MACROD1: variants seen among roughly 807,000 people sequenced by gnomAD.
The protein encoded by MACROD1 is mono-ADP ribosylhydrolase 1, also known as ADP-ribose glycohydrolase MACROD1.
In MACROD1, 31 loss-of-function variants were observed where a neutral mutation model predicts 41.4. The observed-to-expected ratio is 0.75, with a 90% CI of 0.56 to 1.01. The LOEUF (loss-of-function observed/expected upper bound fraction) is 1.01, where lower values mean the gene tolerates loss of function less well. Ranked by LOEUF, MACROD1 falls within the 50% of genes least tolerant of loss-of-function variation. MACROD1 has a pLI of 0.00. For synonymous variants in MACROD1, 252 were observed against 203.4 expected, an observed-to-expected ratio of 1.24 and a Z score of -2.03; for missense variants, 473 against 460.0, an observed-to-expected ratio of 1.03 and a Z score of -0.26.
At chr11:64,073,930 G>T (rs1944154749) in intron 3 of MACROD1, among the ~76,000 whole-genome samples, 1 of 152,162 alleles carries the variant, frequency 6.6e-6, no homozygotes, top group African/African-American at 2.4e-5. Flanking sequence ...TGGGCTGAAG[G>T]TCAGGGAGGG....
chr11:64,162,916 C>T (rs538743689), intron 1 of MACROD1, among the ~76,000 whole-genome samples: 10 of 151,968 alleles, frequency 6.6e-5, no homozygotes, highest in African/African-American at 2.2e-4. Flanking sequence ...GTCCGGAGAT[C>T]AAGACCATCC....
intron 3 of MACROD1, among the ~76,000 whole-genome samples, chr11:64,140,453 G>A (rs778436849): frequency 7.9e-5 from 12 of 152,238 alleles, no homozygotes; most frequent in Admixed American, 1.3e-4. Flanking sequence ...ACGAATATGG[G>A]AAGGAGGTGC....
rs532120408 is a variant in MACROD1, at chr11:64,067,645, G to T, written c.518-52364C>A. On this transcript the variant is annotated intron_variant, in intron 3 of 10. Coordinates refer to ENST00000255681, the MANE Select transcript of MACROD1 (RefSeq NM_014067.4). This position sits in a 1 kb window ranked among gnomAD's most constrained non-coding sequence, Gnocchi z 4.6. ...CCCGTGGCCTCCGGTGCACACACAG[G>T]GTCCCCAAGCAGGCAGCTGGAGGGC... is the stretch of plus-strand genomic sequence containing the variant. Among the ~76,000 whole-genome samples, 11 of 152,250 alleles carry T rather than the reference G, an allele frequency of 7.2e-5. No homozygotes were observed. Among genetic ancestry groups the T allele is most frequent in the African/African-American group, 2.2e-4 (9 of 41,554 alleles).
rs1469471350 is a variant in MACROD1 at position 64,096,453 on chromosome 11, C to G, written c.517+54786G>C. 6.6e-6 allele frequency among the ~76,000 whole-genome samples: 1 copy of G among 151,722 alleles called. No individual in the cohort carries two copies. The highest frequency in any genetic ancestry group is 1.5e-5 in the Non-Finnish European group (1 of 67,918). ...TTTGAGACTGAGTCTCGCTGTGCTG[C>G]CCAGGATGATGAAGTGCAGTGGTAT... On this transcript the variant is annotated intron_variant, in intron 3 of 10. Coordinates refer to ENST00000255681, the MANE Select transcript of MACROD1 (RefSeq NM_014067.4). This position sits in a 1 kb window ranked among gnomAD's most constrained non-coding sequence, Gnocchi z 4.6.
intron 3 of MACROD1, among the ~76,000 whole-genome samples, chr11:64,016,589 G>A (rs550652313): frequency 6.6e-6 from 1 of 152,366 alleles, no homozygotes; most frequent in Non-Finnish European, 1.5e-5. Flanking sequence ...AGTGGTGTCG[G>A]GCGGCTCCGA....
intron 3 of MACROD1, among the ~76,000 whole-genome samples, chr11:64,093,211 G>C (rs1019945398): frequency 6.6e-6 from 1 of 152,216 alleles, no homozygotes; most frequent in Non-Finnish European, 1.5e-5. Context: ...ACACAACACA[G>C]GGCGGCCACT....
chr11:64,073,524 C>T (rs942250256), intron 3 of MACROD1, among the ~76,000 whole-genome samples: 5 of 152,216 alleles, frequency 3.3e-5, no homozygotes, highest in Non-Finnish European at 5.9e-5. Flanking sequence ...CTCTGTGGCA[C>T]TTACTAATTA....
chr11:64,145,012 C>T (rs1945473781), intron 3 of MACROD1, among the ~76,000 whole-genome samples: 1 of 152,156 alleles, frequency 6.6e-6, no homozygotes, highest in African/African-American at 2.4e-5. Flanking sequence ...CAGGTTCTGG[C>T]CTGCTCCTTC....
At position 64,162,561 on chromosome 11, in the gene MACROD1, T is replaced by C. The variant is rs191215003; in HGVS notation, c.298+3136A>G. Among the ~76,000 whole-genome samples, 19 of 151,590 alleles carry C rather than the reference T, an allele frequency of 1.3e-4. No homozygotes were observed. The East Asian group carries it at 3.7e-3, about 30-fold the overall frequency. ...CGGCCACAGTGGCTCACGACTGTAATCCCAGCACTTTGGGAGGCTGAGGCG... is the reference window on the plus strand; with the variant it reads ...CGGCCACAGTGGCTCACGACTGTAACCCCAGCACTTTGGGAGGCTGAGGCG... On this transcript the variant is annotated intron_variant, in intron 1 of 10. Coordinates refer to ENST00000255681, the MANE Select transcript of MACROD1 (RefSeq NM_014067.4).
intron 3 of MACROD1, among the ~76,000 whole-genome samples, chr11:64,086,355 A>C (rs771438343): frequency 9.2e-5 from 14 of 151,922 alleles, no homozygotes; most frequent in Non-Finnish European, 1.9e-4. Context: ...TGTGAATCTT[A>C]CATATGCATA....
chr11:64,131,028 A>G (rs2134657398), intron 3 of MACROD1, among the ~76,000 whole-genome samples: 1 of 152,332 alleles, frequency 6.6e-6, no homozygotes, highest in African/African-American at 2.4e-5. Flanking sequence ...AACCTGTTTC[A>G]GGTGTTAAGT....
In MACROD1 at chr11:64,165,781, T is replaced by G. The variant is rs1055083728; in HGVS notation, c.214A>C (p.Thr72Pro). Residue 72 changes from threonine to proline, a missense_variant, in exon 1 of 11, where the codon ACA becomes CCA. Physicochemically the swap from Thr to Pro is conservative, Grantham distance 38. Coordinates refer to ENST00000255681, the MANE Select transcript of MACROD1 (RefSeq NM_014067.4). ...GGGGCCCAAGTGCGCACCCCGGCTGTCCGCCCCACCGCCGCCGCCCCCCAC... is the reference window on the plus strand; with the variant it reads ...GGGGCCCAAGTGCGCACCCCGGCTGGCCGCCCCACCGCCGCCGCCCCCCAC... ...GAWGAAAVGRTAGVRTWAPLA... is the reference protein window; with the variant it reads ...GAWGAAAVGRPAGVRTWAPLA... 5 of 1,494,530 alleles carry G rather than the reference T, an allele frequency of 3.3e-6. No homozygotes were observed. The African/African-American group carries it at 7.3e-5, about 22-fold the overall frequency. The allele number at this position is 1,494,530 out of a possible 1,614,324, so 92.6% of individuals were successfully genotyped here.
At chr11:64,013,663 C>G (rs369090788) in intron 4 of MACROD1, among the ~76,000 whole-genome samples, 9 of 152,140 alleles carry the variant, frequency 5.9e-5, no homozygotes, top group Admixed American at 1.3e-4. Flanking sequence ...AGGCCCACCC[C>G]CTTTGTGATC....
At chr11:64,010,513 GT>G (rs1942992301) in intron 4 of MACROD1, among the ~76,000 whole-genome samples, 1 of 150,292 alleles carries the variant, frequency 6.7e-6, no homozygotes, top group Non-Finnish European at 1.5e-5. Flanking sequence ...GTGTTGGTTG[GT>G]GTGTTGGTTG....
chr11:64,069,642 T>A lies in MACROD1; in HGVS notation c.518-54361A>T, dbSNP rs181002572. Among the ~76,000 whole-genome samples, 25 of 152,156 alleles carry A rather than the reference T, an allele frequency of 1.6e-4. 1 individual carries two copies. The highest frequency in any genetic ancestry group is 6.5e-5 in the Admixed American group (1 of 15,296). On this transcript the variant is annotated intron_variant, in intron 3 of 10. Coordinates refer to ENST00000255681, the MANE Select transcript of MACROD1 (RefSeq NM_014067.4). ...CTCCTGCAGTGGCCTGACCCCATCC[T>A]GGGCATGGGGAGGCAGCCCCTCCAT... is the stretch of plus-strand genomic sequence containing the variant.
intron 3 of MACROD1, among the ~76,000 whole-genome samples, chr11:64,062,062 C>T (rs1197045393): frequency 6.6e-6 from 1 of 150,902 alleles, no homozygotes; most frequent in Non-Finnish European, 1.5e-5. Context: ...CTCTGCCTGG[C>T]ATGCCTTTGC....
chr11:63,999,215 G>A, intron 8 of MACROD1, 116 bp downstream of exon 8: 2 of 1,405,398 alleles, frequency 1.4e-6, no homozygotes, highest in Non-Finnish European at 9.7e-7. Context: ...GGAGAAACAG[G>A]GAAGGAAGGG....
chr11:64,098,359 T>G (rs1191737796), intron 3 of MACROD1, among the ~76,000 whole-genome samples: 2 of 152,108 alleles, frequency 1.3e-5, no homozygotes, highest in African/African-American at 4.8e-5. Flanking sequence ...CCCTCCCACC[T>G]CCAGTCTTCA....
intron 3 of MACROD1, among the ~76,000 whole-genome samples, chr11:64,071,921 TGACACTTCTAGGTCCC>T (rs1944114895): frequency 6.6e-6 from 1 of 152,178 alleles, no homozygotes; most frequent in Non-Finnish European, 1.5e-5. Flanking sequence ...ATCTGCCCAG[TGACACTTCTAGGTCCC>T]GGCTCTGCAG....
Sources: allele counts gnomAD v4.1 joint callset (sites outside exome capture counted in the v4.1 genomes callset), GRCh38; gene constraint gnomAD v4.1.1; non-coding constraint Gnocchi (gnomAD v3.1); transcripts MANE v1.5; gene names NCBI Gene and HGNC (gene_info 2026-07-23, HGNC 2026-07-21).